SHANK1: variants seen among roughly 807,000 people sequenced by gnomAD.
SHANK1 encodes SH3 and multiple ankyrin repeat domains protein 1.
Under a neutral mutation model 165.6 loss-of-function variants are expected in SHANK1, and 35 were observed. The observed-to-expected ratio is 0.21, with a 90% CI of 0.16 to 0.28. The LOEUF is 0.28. SHANK1 is among the 10% of genes least tolerant of loss of function. The pLI is 1.00. For synonymous variants in SHANK1, 1,428 were observed against 1,384.8 expected (o/e 1.03, Z -0.69); for missense variants, 2,681 against 3,036.4 (o/e 0.88, Z 2.75).
intron 21 of SHANK1, among the ~76,000 whole-genome samples, chr19:50,683,686 AAG>A (rs1201957762): frequency 2.0e-5 from 3 of 152,190 alleles, no homozygotes; most frequent in African/African-American, 7.2e-5. Flanking sequence ...TTCACAGTAT[AAG>A]AGCCGAAATG....
Position 50,688,944 on chromosome 19 carries a change from G to C in SHANK1, c.2072C>G (p.Thr691Ser). ...AKAQTPIEEF[T>S]PTPAFPALQY... ...CAGCGCCGGGAAGGCCGGGGTGGGG[G>C]TGAACTCCTCGATGGGGGTCTGCGC... The change falls in exon 17 of 24, where the codon ACC becomes AGC. Residue 691 changes from threonine (T) to serine (S), a missense_variant. Physicochemically the swap from Thr to Ser is moderately conservative, Grantham distance 58 (BLOSUM62 1). Coordinates refer to ENST00000293441, the MANE Select transcript of SHANK1 (RefSeq NM_016148.5). The surrounding 1 kb of genome is among the most constrained non-coding windows in gnomAD (Gnocchi z 6.7). 6.4e-7 allele frequency: 1 copy of C among 1,554,180 alleles called. No individual in the cohort carries two copies. The highest frequency in any genetic ancestry group is 8.7e-7 in the Non-Finnish European group (1 of 1,147,882).
intron 8 of SHANK1, 84 bp from the exon 9 acceptor site, chr19:50,704,598 G>A: frequency 8.1e-7 from 1 of 1,229,630 alleles, no homozygotes; most frequent in Non-Finnish European, 1.2e-6. Flanking sequence ...TCTGTGCTAA[G>A]AGCCTCAGGA....
chr19:50,673,814 CTTTT>C (rs35868452), intron 21 of SHANK1, among the ~76,000 whole-genome samples: 1 of 144,452 alleles, frequency 6.9e-6, no homozygotes, highest in Non-Finnish European at 1.5e-5. Context: ...AAAATTTAAA[CTTTT>C]TTTTTTTTTT....
At chr19:50,704,289 C>G (rs77136946) in intron 9 of SHANK1, 103 bp from the exon 10 acceptor site, 2 of 1,340,942 alleles carry the variant, frequency 1.5e-6, no homozygotes, top group African/African-American at 1.4e-5. Context: ...CCTTCCACTC[C>G]GACAATGCCG....
At chr19:50,687,809 G>T in intron 18 of SHANK1, 114 bp downstream of exon 18, 1 of 1,439,876 alleles carries the variant, frequency 6.9e-7, no homozygotes, top group East Asian at 2.4e-5. Flanking sequence ...CAAGGGTCAC[G>T]GAGAAGCAGT....
rs201399581 is a variant in SHANK1 at position 50,716,754 on chromosome 19, C to A, written c.166G>T (p.Gly56Cys). ...ACGGACATTGAGCGGCCCTGGAGGC[C>A]TCTAACAGAGGCCAGGCTACCAGGT... ...GAPGSLASVRGLQGRSMSVPD... is the reference protein window; with the variant it reads ...GAPGSLASVRCLQGRSMSVPD... Residue 56 changes from glycine (G) to cysteine (C), a missense_variant, in exon 2 of 24, where the codon GGC becomes TGC. Physicochemically the swap from Gly to Cys is radical, Grantham distance 159. Transcript: ENST00000293441. The surrounding 1 kb of genome is among the most constrained non-coding windows in gnomAD (Gnocchi z 8.4). 3 of 1,609,156 alleles carry A rather than the reference C, an allele frequency of 1.9e-6. No individual in the cohort carries two copies. The East Asian group carries it at 6.7e-5, about 36-fold the overall frequency.
chr19:50,716,140 G>T lies in SHANK1; in HGVS notation c.459+135C>A. On this transcript the variant is annotated intron_variant, in intron 3 of 23. Coordinates refer to ENST00000293441, the MANE Select transcript of SHANK1 (RefSeq NM_016148.5). The surrounding 1 kb of genome is among the most constrained non-coding windows in gnomAD (Gnocchi z 8.4). ...ACTCAGGACTCTCTGACTTCCCTGT[G>T]ATGCTTAGAAGGTCTGGACTCGCAC... 1.2e-6 allele frequency: 1 copy of T among 807,984 alleles called. No homozygotes were observed. The highest frequency in any genetic ancestry group is 2.1e-6 in the Non-Finnish European group (1 of 481,066). 50.1% of individuals were successfully genotyped at this position (807,984 alleles called of 1,614,324 possible).
In SHANK1 at chr19:50,718,625, G is replaced by C; in HGVS notation, c.-44+781C>G. Among the ~76,000 whole-genome samples the C allele has an allele frequency of 6.6e-6, 1 of 152,024 alleles. No individual in the cohort carries two copies. Among genetic ancestry groups the C allele is most frequent in the Non-Finnish European group, 1.5e-5 (1 of 67,990 alleles). On this transcript the variant is annotated intron_variant, in intron 1 of 23. Coordinates refer to ENST00000293441, the MANE Select transcript of SHANK1 (RefSeq NM_016148.5). This position sits in a 1 kb window ranked among gnomAD's most constrained non-coding sequence, Gnocchi z 5.1. ...CCGAGACGGGCTGAGGAATCGGCGA[G>C]GGGGGTGGTGGAGGACGCGAGAGAG...
At position 50,659,348 on chromosome 19, in the gene SHANK1, G is replaced by T; in HGVS notation, c.*2617C>A. ...AAATCTTGGTGGGGAGTCAGGGGAA[G>T]GGAGGTGATGGGGGGTAGGAATGAA... On this transcript the variant is annotated 3_prime_UTR_variant, in exon 24 of 24. Transcript: ENST00000293441. The T allele has an allele frequency of 2.5e-6, 1 of 399,480 alleles. No homozygotes were observed. Among genetic ancestry groups the T allele is most frequent in the East Asian group, 3.8e-5 (1 of 26,230 alleles). The allele number at this position is 399,480 out of a possible 1,614,324, so 24.7% of individuals were successfully genotyped here.
At chr19:50,680,780 C>T (rs745705071) in intron 21 of SHANK1, among the ~76,000 whole-genome samples, 2 of 152,024 alleles carry the variant, frequency 1.3e-5, no homozygotes, top group Non-Finnish European at 2.9e-5. Context: ...CCCATGCTCC[C>T]GAGTAGCTGG....
chr19:50,702,435 C>G lies in SHANK1; in HGVS notation c.1747+32G>C, dbSNP rs747297957. On this transcript the variant is annotated intron_variant, in intron 12 of 23. Transcript: ENST00000293441. This position sits in a 1 kb window ranked among gnomAD's most constrained non-coding sequence, Gnocchi z 5.3. ...TTCCCTGATCGCCCCCACAGCCCAG[C>G]CCAGCCCAGGCCCTGCTTCCACCCT... 6.3e-7 allele frequency: 1 copy of G among 1,581,382 alleles called. No individual in the cohort carries two copies. Among genetic ancestry groups the G allele is most frequent in the Non-Finnish European group, 8.6e-7 (1 of 1,162,080 alleles).
Position 50,716,719 on chromosome 19 carries a change from G to A in SHANK1, c.201C>T (p.Asp67=), listed in dbSNP as rs368463885. The A allele has an allele frequency of 2.7e-5, 43 of 1,603,100 alleles. No individual in the cohort carries two copies. The highest frequency in any genetic ancestry group is 3.3e-5 in the South Asian group (3 of 89,874). ...TGAAGACCATCATGCTGAAGTGGGCGTCGTCTGGGACGGACATTGAGCGGC... is the reference window on the plus strand; with the variant it reads ...TGAAGACCATCATGCTGAAGTGGGCATCGTCTGGGACGGACATTGAGCGGC... ...LQGRSMSVPD[D]AHFSMMVFRI... The change falls in exon 2 of 24, where the codon GAC becomes GAT. Residue 67 remains aspartate (D), a synonymous_variant. Transcript: ENST00000293441. This position sits in a 1 kb window ranked among gnomAD's most constrained non-coding sequence, Gnocchi z 8.4.
At position 50,688,205 on chromosome 19, in the gene SHANK1, C is replaced by T. The variant is rs375779965; in HGVS notation, c.2173-147G>A. 3.8e-5 allele frequency: 38 copies of T among 1,009,256 alleles called. No homozygotes were observed. The highest frequency in any genetic ancestry group is 2.2e-4 in the Middle Eastern group (1 of 4,458). The allele number at this position is 1,009,256 out of a possible 1,614,324, so 62.5% of individuals were successfully genotyped here. A position where few individuals can be genotyped will look rare whatever the true frequency, so the allele number is the denominator to read the frequency against. ...CTCTCCCTCCGACCCTTCATACCAC[C>T]GCCTCCCTGGGCAAGCCCCCTTTCC... On this transcript the variant is annotated intron_variant, in intron 17 of 23. Transcript: ENST00000293441. The surrounding 1 kb of genome is among the most constrained non-coding windows in gnomAD (Gnocchi z 6.7).
At chr19:50,709,733 T>C (rs1392603329) in intron 8 of SHANK1, among the ~76,000 whole-genome samples, 2 of 152,052 alleles carry the variant, frequency 1.3e-5, no homozygotes, top group Non-Finnish European at 2.9e-5. Context: ...TATTTTTTCA[T>C]AGAGACCAGG....
chr19:50,667,287 T>C lies in SHANK1; in HGVS notation c.4673A>G (p.Asp1558Gly), dbSNP rs1169260577. ...CGGTTCCACGAAAAGGAATTCGCCA[T>C]CTTCCACATCCACCGAGGGGGCGGG... ...PPPAPSVDVEDGEFLFVEPLP... is the reference protein window; with the variant it reads ...PPPAPSVDVEGGEFLFVEPLP... The change falls in exon 23 of 24, where the codon GAT (aspartate) becomes GGT (glycine). Residue 1558 changes from aspartate to glycine, a missense_variant. Transcript: ENST00000293441. This position sits in a 1 kb window ranked among gnomAD's most constrained non-coding sequence, Gnocchi z 5.7. The C allele has an allele frequency of 1.3e-6, 2 of 1,596,118 alleles. No individual in the cohort carries two copies. The highest frequency in any genetic ancestry group is 2.7e-5 in the African/African-American group (2 of 74,854).
At position 50,703,664 on chromosome 19, in the gene SHANK1, G is replaced by T; in HGVS notation, c.1389C>A (p.Gly463=). Residue 463 remains glycine (G), a synonymous_variant, in exon 11 of 24, where the codon GGC becomes GGA. Transcript: ENST00000293441. ...APGAASSGAP[G]PTSGSQGQSQ... Reference sequence around the variant, plus strand: ...ACTGGCCCTGGGACCCTGAGGTAGGGCCAGGGGCCCCAGAGGACGCGGCCC... The same window carrying T: ...ACTGGCCCTGGGACCCTGAGGTAGGTCCAGGGGCCCCAGAGGACGCGGCCC... The T allele has an allele frequency of 4.0e-6, 6 of 1,498,850 alleles. No homozygotes were observed. The highest frequency in any genetic ancestry group is 5.3e-6 in the Non-Finnish European group (6 of 1,124,874). 92.8% of individuals were successfully genotyped at this position (1,498,850 alleles called of 1,614,324 possible).
At chr19:50,709,581 AC>A (rs1206903552) in intron 8 of SHANK1, among the ~76,000 whole-genome samples, 1 of 136,340 alleles carries the variant, frequency 7.3e-6, no homozygotes. Flanking sequence ...GCAGGGTCTC[AC>A]TCTGTCACCC....
Position 50,661,717 on chromosome 19 carries a change from T to C in SHANK1, c.*248A>G. 1 of 521,372 alleles carries C rather than the reference T, an allele frequency of 1.9e-6. No individual in the cohort carries two copies. Among genetic ancestry groups the C allele is most frequent in the Non-Finnish European group, 3.4e-6 (1 of 294,424 alleles). 32.3% of individuals were successfully genotyped at this position (521,372 alleles called of 1,614,324 possible). On this transcript the variant is annotated 3_prime_UTR_variant, in exon 24 of 24. Transcript: ENST00000293441. ...CTCAATTCCCCTCTGTAATTTCTCC[T>C]ATCCCCCCTCCGCTCCCCGCTTCAC...
chr19:50,689,463 C>A (rs754455402), intron 15 of SHANK1, 184 bp from the exon 16 acceptor site: 13 of 699,662 alleles, frequency 1.9e-5, no homozygotes, highest in Middle Eastern at 2.3e-4. Flanking sequence ...GGGCTTCCCC[C>A]TCAGAGCCGG....
Sources: gnomAD v4.1 joint callset for allele counts (sites outside exome capture counted in the v4.1 genomes callset) on GRCh38, gnomAD v4.1.1 for gene constraint, Gnocchi (gnomAD v3.1) non-coding constraint, MANE v1.5 for transcripts, NCBI Gene and HGNC (gene_info 2026-07-23, HGNC 2026-07-21) for gene names.